The following EML6 variants were observed in gnomAD, a reference collection of about 807,000 sequenced individuals.
EML6 encodes the protein EMAP like 6, also known as echinoderm microtubule-associated protein-like 6.
EML6 carries 154 observed loss-of-function variants against 240.1 expected under a neutral mutation model. That is an observed-to-expected ratio of 0.64 (90% confidence interval 0.56 to 0.73). The LOEUF is 0.73. Ranked by LOEUF, EML6 falls within the 30% of genes least tolerant of loss-of-function variation. The pLI is 0.00. For missense variants in EML6, 2,964 were observed against 2,474.6 expected (o/e 1.20, Z -4.20); for synonymous variants, 1,148 against 899.0 (o/e 1.28, Z -4.95).
intron 7 of EML6, among the ~76,000 whole-genome samples, chr2:54,841,422 T>C (rs1403566681): frequency 6.6e-6 from 1 of 152,194 alleles, no homozygotes; most frequent in Admixed American, 6.5e-5. Context: ...TAAAGCCTTA[T>C]GCCTTGAAAA....
chr2:54,801,571 A>G (rs1277345784), intron 2 of EML6, among the ~76,000 whole-genome samples: 1 of 152,334 alleles, frequency 6.6e-6, no homozygotes, highest in Middle Eastern at 3.4e-3. Flanking sequence ...AAATAATAGA[A>G]TATGGATGAA....
At chr2:54,865,256 A>T (rs374098776) in intron 13 of EML6, among the ~76,000 whole-genome samples, 1 of 151,408 alleles carries the variant, frequency 6.6e-6, no homozygotes, top group African/African-American at 2.4e-5. Flanking sequence ...TGGGAGGACA[A>T]AGTGGGAGCA....
At chr2:54,952,043 G>A (rs1031860479) in intron 30 of EML6, among the ~76,000 whole-genome samples, 6 of 152,198 alleles carry the variant, frequency 3.9e-5, no homozygotes, top group Non-Finnish European at 7.3e-5. Flanking sequence ...GACATATGTC[G>A]AGTTAGGGCT....
chr2:54,841,152 G>A (rs1558599288), intron 7 of EML6, among the ~76,000 whole-genome samples: 1 of 152,264 alleles, frequency 6.6e-6, no homozygotes. Flanking sequence ...GTTCTCTGCA[G>A]CTGAGCTGCA....
At chr2:54,964,518 C>T (rs1039915036) in intron 37 of EML6, 53 bp from the exon 38 acceptor site, 3 of 1,524,642 alleles carry the variant, frequency 2.0e-6, no homozygotes, top group East Asian at 2.5e-5. Context: ...TCGTGCCTGA[C>T]CAGCCCCAAA....
At chr2:54,797,167 A>AAAAAAAAAAAAAAAAAAAAAAAAAC (rs1669839577) in intron 2 of EML6, among the ~76,000 whole-genome samples, 5 of 114,076 alleles carry the variant, frequency 4.4e-5, no homozygotes, top group Non-Finnish European at 9.8e-5. Context: ...TCCATCTCAA[A>AAAAAAAAAAAAAAAAAAAAAAAAAC]AAAAAAAAAA....
chr2:54,849,741 G>T (rs745487665), intron 9 of EML6, among the ~76,000 whole-genome samples: 1 of 152,198 alleles, frequency 6.6e-6, no homozygotes, highest in Non-Finnish European at 1.5e-5. Context: ...GTCTGCCTCG[G>T]CCTCCCAAAG....
At chr2:54,899,539 T>C in intron 21 of EML6, 102 bp from the exon 22 acceptor site, 2 of 1,200,608 alleles carry the variant, frequency 1.7e-6, no homozygotes, top group Non-Finnish European at 2.3e-6. Context: ...CTATTTGTGC[T>C]TTTTTGTGGT....
chr2:54,818,376 A>C (rs1668173137), intron 4 of EML6, among the ~76,000 whole-genome samples: 1 of 152,236 alleles, frequency 6.6e-6, no homozygotes, highest in Admixed American at 6.5e-5. Context: ...ATTTAGGGGT[A>C]TACTTCCGTA....
rs970434501 is a variant in EML6 at position 54,928,462 on chromosome 2, G to A, written c.3825G>A (p.Glu1275=). The change falls in exon 27 of 42, where the codon GAG becomes GAA. Residue 1275 remains glutamate (E), a synonymous_variant. Coordinates refer to ENST00000356458, the MANE Select transcript of EML6 (RefSeq NM_001039753.4). The part of the protein sequence containing the change: ...IWTREFVGTQ[E]SKLVDSEESD... ...CCAGGGAGTTTGTGGGGACCCAGGA[G>A]AGCAAGCTGGTGGACAGCGAGGAGT... 51 of 1,549,832 alleles carry A rather than the reference G, an allele frequency of 3.3e-5. No homozygotes were observed. Among genetic ancestry groups the A allele is most frequent in the Admixed American group, 5.9e-5 (3 of 50,880 alleles).
At chr2:54,873,940 T>C (rs1040202606) in intron 16 of EML6, among the ~76,000 whole-genome samples, 1 of 151,298 alleles carries the variant, frequency 6.6e-6, no homozygotes, top group Non-Finnish European at 1.5e-5. Context: ...AAAATTGAAC[T>C]CAAAATACCA....
rs1204167880 is a variant in EML6 at position 54,970,247 on chromosome 2, ACTGCTCCCATAAT to A, written c.*156_*168del. On this transcript the variant is annotated 3_prime_UTR_variant, in exon 42 of 42. Transcript: ENST00000356458. ...CTCAAAACGCTGCAGAAGTTACACA[ACTGCTCCCATAAT>A]CTGGACTCTCCAAAACCGTGATGCC... is the stretch of plus-strand genomic sequence containing the variant. The A allele has an allele frequency of 5.4e-6, 4 of 741,232 alleles. No homozygotes were observed. The highest frequency in any genetic ancestry group is 9.3e-6 in the Non-Finnish European group (4 of 430,340). The allele number at this position is 741,232 out of a possible 1,614,324, so 45.9% of individuals were successfully genotyped here.
intron 23 of EML6, 87 bp from the exon 24 acceptor site, chr2:54,903,284 C>G: frequency 5.9e-6 from 9 of 1,520,784 alleles, no homozygotes; most frequent in Non-Finnish European, 8.0e-6. Flanking sequence ...TTTCTTTGAC[C>G]ATTTTCCCAC....
At chr2:54,834,543 G>A (rs137959235) in intron 7 of EML6, among the ~76,000 whole-genome samples, 85 of 152,292 alleles carry the variant, frequency 5.6e-4, no homozygotes, top group Non-Finnish European at 7.1e-4. Context: ...TGCCAGATAC[G>A]TGCCTAGGAA....
rs1262087652 is a variant in EML6, at chr2:54,866,788, A to C, written c.1955A>C (p.Gln652Pro). 4 of 1,550,658 alleles carry C rather than the reference A, an allele frequency of 2.6e-6. No individual in the cohort carries two copies. The highest frequency in any genetic ancestry group is 3.5e-6 in the Non-Finnish European group (4 of 1,146,170). Residue 652 changes from glutamine to proline, a missense_variant, in exon 14 of 42, where the codon CAG (glutamine) becomes CCG (proline). Coordinates refer to ENST00000356458, the MANE Select transcript of EML6 (RefSeq NM_001039753.4). ...AAGGTTTACAAAGAAGATCTACCTC[A>C]GCTAAAGCAACAAAGTAAAGAGAAA... ...DRQVYKEDLPQLKQQSKEKNH... is the reference protein window; with the variant it reads ...DRQVYKEDLPPLKQQSKEKNH...
At chr2:54,850,293 G>A in intron 10 of EML6, 75 bp downstream of exon 10, 2 of 1,326,030 alleles carry the variant, frequency 1.5e-6, no homozygotes, top group Non-Finnish European at 2.1e-6. Flanking sequence ...CAGGACAAGT[G>A]TCATGGCTCT....
At chr2:54,824,634 C>T (rs1027736872) in intron 5 of EML6, among the ~76,000 whole-genome samples, 4 of 152,100 alleles carry the variant, frequency 2.6e-5, no homozygotes, top group African/African-American at 9.7e-5. Flanking sequence ...AGGAAAATTG[C>T]AATTATCTGA....
intron 4 of EML6, among the ~76,000 whole-genome samples, chr2:54,817,862 G>C (rs183218647): frequency 1.6e-3 from 233 of 148,774 alleles, no homozygotes; most frequent in African/African-American, 5.4e-3. Context: ...GTTGTAAGGA[G>C]ACCCCACAGA....
chr2:54,936,464 T>A (rs1186620972), intron 28 of EML6, among the ~76,000 whole-genome samples: 1 of 152,218 alleles, frequency 6.6e-6, no homozygotes, highest in Non-Finnish European at 1.5e-5. Context: ...TTTTATTTGC[T>A]ATATACAGTT....
Sources: allele counts gnomAD v4.1 joint callset (sites outside exome capture counted in the v4.1 genomes callset), GRCh38; gene constraint gnomAD v4.1.1; transcripts MANE v1.5; gene names NCBI Gene and HGNC (gene_info 2026-07-23, HGNC 2026-07-21).